FBXL20: variants seen among roughly 807,000 people sequenced by gnomAD.
FBXL20 encodes F-box/LRR-repeat protein 20.
Under a neutral mutation model 64.0 loss-of-function variants are expected in FBXL20, and 11 were observed. The ratio of observed to expected loss-of-function variants is 0.17; its 90% confidence interval spans 0.11 to 0.28. The LOEUF (loss-of-function observed/expected upper bound fraction) is 0.28. FBXL20 is among the 10% of genes least tolerant of loss of function. The probability of loss-of-function intolerance (pLI) is 1.00; values close to 1 mark genes in which losing one functional copy is unlikely to be tolerated. For missense variants in FBXL20, 303 were observed against 526.2 expected, an observed-to-expected ratio of 0.58 and a Z score of 4.15; for synonymous variants, 184 against 189.0, an observed-to-expected ratio of 0.97 and a Z score of 0.22.
At chr17:39,357,737 T>C (rs1435262208) in intron 1 of FBXL20, among the ~76,000 whole-genome samples, 1 of 152,176 alleles carries the variant, frequency 6.6e-6, no homozygotes, top group Admixed American at 6.5e-5. Context: ...GTCAAGATAA[T>C]AAAAGAAACA....
intron 1 of FBXL20, among the ~76,000 whole-genome samples, chr17:39,396,108 G>A (rs967083312): frequency 1.3e-4 from 19 of 148,986 alleles, no homozygotes; most frequent in East Asian, 2.0e-4. Context: ...CAGCCTTAAC[G>A]GTGTATTCTG....
At chr17:39,340,864 A>G (rs2047575725) in intron 2 of FBXL20, among the ~76,000 whole-genome samples, 1 of 151,940 alleles carries the variant, frequency 6.6e-6, no homozygotes, top group Non-Finnish European at 1.5e-5. Flanking sequence ...TATTAAACTC[A>G]ATGAATTTTT....
At chr17:39,373,302 A>C (rs1023229935) in intron 1 of FBXL20, among the ~76,000 whole-genome samples, 2 of 152,206 alleles carry the variant, frequency 1.3e-5, no homozygotes, top group African/African-American at 4.8e-5. Context: ...GGAAGAATGA[A>C]GTGCAACTTG....
intron 1 of FBXL20, among the ~76,000 whole-genome samples, chr17:39,360,095 T>C (rs2144611997): frequency 6.6e-6 from 1 of 152,190 alleles, no homozygotes; most frequent in East Asian, 1.9e-4. Context: ...ATGAAAAAAT[T>C]CTGACACATG....
chr17:39,389,561 G>A (rs1481333748), intron 1 of FBXL20, among the ~76,000 whole-genome samples: 2 of 152,200 alleles, frequency 1.3e-5, no homozygotes, highest in African/African-American at 4.8e-5. Flanking sequence ...GCTCATGCCT[G>A]TAATCCCAGC....
intron 1 of FBXL20, among the ~76,000 whole-genome samples, chr17:39,394,260 C>T (rs1169536429): frequency 6.6e-6 from 1 of 150,788 alleles, no homozygotes; most frequent in African/African-American, 2.4e-5. Context: ...AACCACAGTA[C>T]TAGTTAGATT....
At position 39,253,968 on chromosome 17, in the gene FBXL20, T is replaced by C. The variant is rs936845507; in HGVS notation, c.*7492A>G. On this transcript the variant is annotated 3_prime_UTR_variant, in exon 15 of 15. Transcript: ENST00000264658. The stretch of plus-strand genomic sequence containing the variant: ...AGAGTAGAATAATGACTTCAAGGCC[T>C]GAGAAGGTTCAGGCTAAGGTAAGAA... 2.6e-5 allele frequency: 4 copies of C among 152,174 alleles called. No individual in the cohort carries two copies. The highest frequency in any genetic ancestry group is 9.7e-5 in the African/African-American group (4 of 41,414). 9.4% of individuals were successfully genotyped at this position (152,174 alleles called of 1,614,324 possible). A position where few individuals can be genotyped will look rare whatever the true frequency, so the allele number is the denominator to read the frequency against.
In FBXL20 at chr17:39,346,143, G is replaced by A. The variant is rs947955303; in HGVS notation, c.43-2902C>T. ...TCAAGACCAGCCTGGGCAATATAGT[G>A]AGATCTCATCTTGAAAAAAGATGTA... On this transcript the variant is annotated intron_variant, in intron 1 of 14. Transcript: ENST00000264658. Among the ~76,000 whole-genome samples the A allele has an allele frequency of 2.6e-5, 4 of 152,018 alleles. No individual in the cohort carries two copies. The East Asian group carries it at 7.7e-4, about 29-fold the overall frequency.
chr17:39,300,349 A>G (rs2047123030), intron 4 of FBXL20, among the ~76,000 whole-genome samples: 1 of 152,208 alleles, frequency 6.6e-6, no homozygotes, highest in African/African-American at 2.4e-5. Context: ...TTAATCCTTA[A>G]GAAGCCATGA....
intron 11 of FBXL20, among the ~76,000 whole-genome samples, chr17:39,269,590 C>T (rs935053402): frequency 4.6e-5 from 7 of 151,496 alleles, no homozygotes; most frequent in Admixed American, 3.3e-4. Context: ...CCTCCGCCTC[C>T]CGGATTCAAG....
chr17:39,334,098 T>C (rs1024712897), intron 2 of FBXL20, among the ~76,000 whole-genome samples: 3 of 152,172 alleles, frequency 2.0e-5, no homozygotes, highest in African/African-American at 2.4e-5. Flanking sequence ...GAAGTAGACA[T>C]AGGAGACTCC....
At position 39,299,078 on chromosome 17, in the gene FBXL20, C is replaced by G; in HGVS notation, c.241G>C (p.Val81Leu). The change falls in exon 5 of 15, where the codon GTA becomes CTA. Residue 81 changes from valine to leucine, a missense_variant. Val to Leu is a conservative substitution (Grantham distance 32). Transcript: ENST00000264658. Reference sequence around the variant, plus strand: ...CATCGTTTTGAAATATTCTCCACTACTCGGCCCTGTAAAATGAGACAGGCA... The same window carrying G: ...CATCGTTTTGAAATATTCTCCACTAGTCGGCCCTGTAAAATGAGACAGGCA... ...FDFQRDIEGR[V>L]VENISKRCGG... 1 of 1,610,582 alleles carries G rather than the reference C, an allele frequency of 6.2e-7. No individual in the cohort carries two copies. The highest frequency in any genetic ancestry group is 8.5e-7 in the Non-Finnish European group (1 of 1,178,764).
chr17:39,288,650 TCAGA>T (rs1188220828), intron 6 of FBXL20, among the ~76,000 whole-genome samples: 1 of 152,038 alleles, frequency 6.6e-6, no homozygotes, highest in Non-Finnish European at 1.5e-5. Context: ...TTTTTCCCCC[TCAGA>T]CAATCAGGTG....
chr17:39,309,632 G>A (rs1201182388), intron 2 of FBXL20, among the ~76,000 whole-genome samples: 3 of 151,644 alleles, frequency 2.0e-5, no homozygotes, highest in Non-Finnish European at 4.4e-5. Flanking sequence ...GCGAAACCCC[G>A]TCTCTACTAA....
At chr17:39,395,307 C>A (rs71369752) in intron 1 of FBXL20, among the ~76,000 whole-genome samples, 1 of 152,070 alleles carries the variant, frequency 6.6e-6, no homozygotes, top group Non-Finnish European at 1.5e-5. Flanking sequence ...CCCTGTAATC[C>A]CAGCTACTCG....
intron 2 of FBXL20, among the ~76,000 whole-genome samples, chr17:39,339,115 C>T (rs1258104054): frequency 2.1e-5 from 3 of 142,800 alleles, no homozygotes; most frequent in Non-Finnish European, 3.0e-5. Context: ...TTACAGTGAG[C>T]CGAGATCATG....
chr17:39,342,447 G>C (rs1023905681), intron 2 of FBXL20, among the ~76,000 whole-genome samples: 1 of 151,904 alleles, frequency 6.6e-6, no homozygotes, highest in Non-Finnish European at 1.5e-5. Context: ...TGGGCACCGT[G>C]GCTCACGCCT....
intron 2 of FBXL20, among the ~76,000 whole-genome samples, chr17:39,330,338 G>A (rs1305862237): frequency 1.3e-5 from 2 of 151,696 alleles, no homozygotes; most frequent in South Asian, 2.1e-4. Context: ...AATAGGCCAG[G>A]TGCAGTGGCT....
chr17:39,285,389 T>A, intron 7 of FBXL20, 89 bp downstream of exon 7: 1 of 779,810 alleles, frequency 1.3e-6, no homozygotes, highest in Non-Finnish European at 1.9e-6. Context: ...TAAAACAGAG[T>A]TGCCTTCAAT....
Sources: gnomAD v4.1 joint callset for allele counts (sites outside exome capture counted in the v4.1 genomes callset) on GRCh38, gnomAD v4.1.1 for gene constraint, MANE v1.5 for transcripts, NCBI Gene and HGNC (gene_info 2026-07-23, HGNC 2026-07-21) for gene names.